ZFP82: variants seen among roughly 807,000 people sequenced by gnomAD.
ZFP82 encodes the protein zinc finger protein 82 homolog.
ZFP82 carries 30 observed loss-of-function variants against 54.0 expected under a neutral mutation model. That is an observed-to-expected ratio of 0.56 (90% CI 0.42 to 0.75). The LOEUF (loss-of-function observed/expected upper bound fraction) is 0.75, where lower values mean the gene tolerates loss of function less well. ZFP82 is among the 30% of genes least tolerant of loss of function. ZFP82 has a pLI of 0.00. For synonymous variants in ZFP82, 194 were observed against 209.5 expected (o/e 0.93, Z 0.64); for missense variants, 500 against 636.8 (o/e 0.79, Z 2.31).
chr19:36,396,279 G>T (rs2032291951), intron 4 of ZFP82, among the ~76,000 whole-genome samples: 1 of 152,072 alleles, frequency 6.6e-6, no homozygotes, highest in East Asian at 1.9e-4. Flanking sequence ...CACTTGAGGA[G>T]GCCAAGGCAG....
intron 4 of ZFP82, among the ~76,000 whole-genome samples, chr19:36,402,962 C>A (rs2032413981): frequency 6.6e-6 from 1 of 151,768 alleles, no homozygotes; most frequent in Non-Finnish European, 1.5e-5. Flanking sequence ...CACGGTGAAA[C>A]CCCAACTCTA....
chr19:36,410,776 C>T (rs926949447), intron 1 of ZFP82, among the ~76,000 whole-genome samples: 6 of 151,594 alleles, frequency 4.0e-5, no homozygotes, highest in African/African-American at 1.5e-4. Flanking sequence ...GCTGAGATTA[C>T]AGATGTGAGC....
At chr19:36,409,616 TAA>T (rs149771363) in intron 2 of ZFP82, among the ~76,000 whole-genome samples, 163 bp downstream of exon 2, 5,889 of 152,136 alleles carry the variant, frequency 0.039, 196 homozygotes, top group Admixed American at 0.11. Context: ...ATGACTAGAA[TAA>T]AGAGTGTTCA....
chr19:36,390,765 T>A lies in ZFP82; in HGVS notation c.*1976A>T, dbSNP rs2032183875. On this transcript the variant is annotated 3_prime_UTR_variant, in exon 5 of 5. Transcript: ENST00000392161. The stretch of plus-strand genomic sequence containing the variant: ...TATCATTCATTTGATCTTTGTTTTG[T>A]TTTGTTTTTTGTTTTTTGTTTGAGA... 1 of 139,262 alleles carries A rather than the reference T, an allele frequency of 7.2e-6. No individual in the cohort carries two copies. Among genetic ancestry groups the A allele is most frequent in the South Asian group, 2.5e-4 (1 of 4,054 alleles). 8.6% of individuals were successfully genotyped at this position (139,262 alleles called of 1,614,324 possible).
chr19:36,416,184 C>A (rs2032666027), intron 1 of ZFP82, among the ~76,000 whole-genome samples: 1 of 152,156 alleles, frequency 6.6e-6, no homozygotes, highest in Non-Finnish European at 1.5e-5. Flanking sequence ...TGGCAAAAAG[C>A]TGCATCACAT....
At chr19:36,398,931 TAG>T (rs925669318) in intron 4 of ZFP82, among the ~76,000 whole-genome samples, 2 of 152,136 alleles carry the variant, frequency 1.3e-5, no homozygotes, top group African/African-American at 4.8e-5. Context: ...GATGTAGTAT[TAG>T]AGTTATTAGT....
At position 36,390,976 on chromosome 19, in the gene ZFP82, G is replaced by C. The variant is rs888569723; in HGVS notation, c.*1765C>G. The C allele has an allele frequency of 2.6e-5, 4 of 152,144 alleles. No homozygotes were observed. The highest frequency in any genetic ancestry group is 9.7e-5 in the African/African-American group (4 of 41,358). 9.4% of individuals were successfully genotyped at this position (152,144 alleles called of 1,614,324 possible). A position where few individuals can be genotyped will look rare whatever the true frequency, so the allele number is the denominator to read the frequency against. ...GTAGAGATGGGGTTTCACCGTGTTA[G>C]CCAGGATGGTCTTGATCTCCTGACC... On this transcript the variant is annotated 3_prime_UTR_variant, in exon 5 of 5. Coordinates refer to ENST00000392161, the MANE Select transcript of ZFP82 (RefSeq NM_133466.4).
intron 2 of ZFP82, among the ~76,000 whole-genome samples, chr19:36,408,368 G>A (rs748405846): frequency 2.0e-5 from 3 of 151,912 alleles, no homozygotes; most frequent in African/African-American, 4.8e-5. Flanking sequence ...GAGTTCTTCC[G>A]CCCCTTTCTT....
Position 36,393,935 on chromosome 19 carries a change from T to G in ZFP82, c.405A>C (p.Glu135Asp), listed in dbSNP as rs963573736. 6.2e-7 allele frequency: 1 copy of G among 1,614,090 alleles called. No individual in the cohort carries two copies. The highest frequency in any genetic ancestry group is 1.3e-5 in the African/African-American group (1 of 74,948). The change falls in exon 5 of 5, where the codon GAA (glutamate) becomes GAC (aspartate). Residue 135 changes from glutamate (E) to aspartate (D), a missense_variant. Coordinates refer to ENST00000392161, the MANE Select transcript of ZFP82 (RefSeq NM_133466.4). ...GKIEGQERPQEGYFSSVKMPS... is the reference protein window; with the variant it reads ...GKIEGQERPQDGYFSSVKMPS... The stretch of plus-strand genomic sequence containing the variant: ...GCATTTTCACACTACTGAAGTATCC[T>G]TCTTGAGGTCTCTCCTGTCCTTCAA...
chr19:36,400,858 T>C (rs2032371479), intron 4 of ZFP82, among the ~76,000 whole-genome samples: 1 of 152,192 alleles, frequency 6.6e-6, no homozygotes, highest in Admixed American at 6.5e-5. Flanking sequence ...ATACTCATTC[T>C]TGTTACTGCC....
At chr19:36,400,172 T>C (rs1014799790) in intron 4 of ZFP82, among the ~76,000 whole-genome samples, 1 of 152,174 alleles carries the variant, frequency 6.6e-6, no homozygotes, top group African/African-American at 2.4e-5. Flanking sequence ...AGAAAAGTCC[T>C]TTTTTTGATC....
In ZFP82 at chr19:36,394,970, G is replaced by C. The variant is rs1480250525; in HGVS notation, c.230-860C>G. ...AGTAATAAATGCTAAGCATATAATA[G>C]GTTTTACTCATTTAATTCCCATAGC... On this transcript the variant is annotated intron_variant, in intron 4 of 4. Coordinates refer to ENST00000392161, the MANE Select transcript of ZFP82 (RefSeq NM_133466.4). 3 of 152,138 alleles carry C rather than the reference G, an allele frequency of 2.0e-5. No individual in the cohort carries two copies. In the East Asian group the frequency reaches 5.8e-4, roughly 29 times the overall value. 9.4% of individuals were successfully genotyped at this position (152,138 alleles called of 1,614,324 possible).
chr19:36,412,913 C>T (rs1211643258), intron 1 of ZFP82, among the ~76,000 whole-genome samples: 2 of 152,128 alleles, frequency 1.3e-5, no homozygotes, highest in African/African-American at 4.8e-5. Flanking sequence ...GGCTTATCTA[C>T]CTTGAAAGAC....
In ZFP82 at chr19:36,393,179, A is replaced by G. The variant is rs751176313; in HGVS notation, c.1161T>C (p.Ile387=). The G allele has an allele frequency of 1.2e-6, 2 of 1,613,996 alleles. No homozygotes were observed. The highest frequency in any genetic ancestry group is 4.5e-5 in the East Asian group (2 of 44,872). ...RGYHLILHHR[I]HTGEKPYECK... is the part of the protein sequence containing the mutation. ...ATTCGTAAGGTTTTTCACCAGTATG[A>G]ATTCTGTGATGGAGAATAAGATGAT... The change falls in exon 5 of 5, where the codon ATT becomes ATC. Residue 387 remains isoleucine (I), a synonymous_variant. Transcript: ENST00000392161.
Position 36,394,064 on chromosome 19 carries a change from G to A in ZFP82, c.276C>T (p.Asp92=). 6.2e-7 allele frequency: 1 copy of A among 1,610,758 alleles called. No individual in the cohort carries two copies. Among genetic ancestry groups the A allele is most frequent in the Non-Finnish European group, 8.5e-7 (1 of 1,179,224 alleles). ...YETKKLSLEN[D]IYEINLSQWK... is the part of the protein sequence containing the mutation. ...ACTGGGATAAATTTATTTCATAAAT[G>A]TCATTTTCTAAAGATAACTTCTTGG... is the stretch of plus-strand genomic sequence containing the variant. The change falls in exon 5 of 5, where the codon GAC becomes GAT. Residue 92 remains aspartate, a synonymous_variant. Coordinates refer to ENST00000392161, the MANE Select transcript of ZFP82 (RefSeq NM_133466.4).
At chr19:36,406,415 C>T (rs2032482749) in intron 3 of ZFP82, among the ~76,000 whole-genome samples, 1 of 152,194 alleles carries the variant, frequency 6.6e-6, no homozygotes, top group African/African-American at 2.4e-5. Flanking sequence ...TTCCTACTCC[C>T]AGCCCCAGAC....
At position 36,392,413 on chromosome 19, in the gene ZFP82, G is replaced by C. The variant is rs138125113; in HGVS notation, c.*328C>G. 3.4e-5 allele frequency: 7 copies of C among 207,962 alleles called. No individual in the cohort carries two copies. The East Asian group carries it at 5.8e-4, about 17-fold the overall frequency. 12.9% of individuals were successfully genotyped at this position (207,962 alleles called of 1,614,324 possible). On this transcript the variant is annotated 3_prime_UTR_variant, in exon 5 of 5. Transcript: ENST00000392161. ...GGGATGTAGATTCCACCTCTTGATT[G>C]AAAGTGTGTCAAACTGCTGCACTCT...
intron 4 of ZFP82, among the ~76,000 whole-genome samples, chr19:36,402,468 C>CAAAAAAAAAAAA (rs377338348): frequency 0.1 from 5,882 of 57,028 alleles, 1,268 homozygotes; most frequent in Non-Finnish European, 0.14. Context: ...GACTCCATCT[C>CAAAAAAAAAAAA]AAAAAAAAAA....
intron 4 of ZFP82, among the ~76,000 whole-genome samples, chr19:36,397,723 G>A (rs181648707): frequency 3.6e-4 from 54 of 152,008 alleles, no homozygotes; most frequent in Admixed American, 3.3e-3. Context: ...AAGTAGCTGG[G>A]ATTACAAGCA....
Sources: allele counts gnomAD v4.1 joint callset (sites outside exome capture counted in the v4.1 genomes callset), GRCh38; gene constraint gnomAD v4.1.1; transcripts MANE v1.5; gene names NCBI Gene and HGNC (gene_info 2026-07-23, HGNC 2026-07-21).